Variants in GAD1 observed in about 807,000 individuals in gnomAD.
GAD1 encodes the protein 67 kDa glutamic acid decarboxylase.
GAD1 carries 35 observed loss-of-function variants against 75.2 expected under a neutral mutation model. The observed-to-expected ratio is 0.47, with a 90% confidence interval of 0.36 to 0.62. The LOEUF is 0.62. Among genes scored for constraint, GAD1 ranks in the 20% least tolerant of loss-of-function variants. The probability of loss-of-function intolerance (pLI) is 0.00; values close to 1 mark genes in which losing one functional copy is unlikely to be tolerated. For missense variants in GAD1, 490 were observed against 758.5 expected (o/e 0.65, Z 4.16); for synonymous variants, 257 against 271.9 (o/e 0.95, Z 0.54).
intron 7 of GAD1, 96 bp from the exon 8 acceptor site, chr2:170,845,410 A>C: frequency 9.4e-7 from 1 of 1,058,352 alleles, no homozygotes; most frequent in Non-Finnish European, 1.5e-6. Flanking sequence ...TCGCTTCCTG[A>C]CCTCCCTTGT....
intron 5 of GAD1, among the ~76,000 whole-genome samples, chr2:170,834,901 C>G (rs1425884189): frequency 1.3e-5 from 2 of 151,840 alleles, no homozygotes; most frequent in Non-Finnish European, 2.9e-5. Flanking sequence ...TCCTGAGAAG[C>G]TGGGATTATA....
intron 2 of GAD1, among the ~76,000 whole-genome samples, chr2:170,820,326 G>A (rs1182848395): frequency 2.0e-5 from 3 of 152,220 alleles, no homozygotes; most frequent in African/African-American, 7.2e-5. Flanking sequence ...ACGTGGCCTG[G>A]TTCGCCTGGA....
chr2:170,819,827 A>T (rs1290460352), intron 2 of GAD1, among the ~76,000 whole-genome samples: 1 of 152,224 alleles, frequency 6.6e-6, no homozygotes, highest in Non-Finnish European at 1.5e-5. Flanking sequence ...TTGAGAAAAT[A>T]AGTATCCTCA....
At chr2:170,838,118 T>C (rs1235563922) in intron 6 of GAD1, among the ~76,000 whole-genome samples, 1 of 152,254 alleles carries the variant, frequency 6.6e-6, no homozygotes, top group Non-Finnish European at 1.5e-5. Context: ...AAAGAGCAAA[T>C]GTGACAAGTG....
At chr2:170,847,074 G>A (rs559242207) in intron 10 of GAD1, among the ~76,000 whole-genome samples, 8 of 152,134 alleles carry the variant, frequency 5.3e-5, no homozygotes, top group Admixed American at 1.3e-4. Context: ...CTACTCCTTC[G>A]TTTATTTTTT....
intron 3 of GAD1, among the ~76,000 whole-genome samples, chr2:170,825,089 C>T (rs1312795966): frequency 6.6e-6 from 1 of 152,012 alleles, no homozygotes; most frequent in African/African-American, 2.4e-5. Context: ...GCTGTTAGCC[C>T]AAGAAAATCA....
At chr2:170,856,924 T>C in intron 14 of GAD1, 94 bp from the exon 15 acceptor site, 1 of 981,524 alleles carries the variant, frequency 1.0e-6, no homozygotes, top group Middle Eastern at 2.1e-4. Context: ...AATACTTTTT[T>C]TGTTTATTTC....
intron 15 of GAD1, among the ~76,000 whole-genome samples, chr2:170,858,193 A>C (rs1479953382): frequency 6.6e-6 from 1 of 152,234 alleles, no homozygotes; most frequent in Non-Finnish European, 1.5e-5. Context: ...GCAAACAGCA[A>C]CCAGCGAGAA....
chr2:170,828,498 CTTGA>C lies in GAD1; in HGVS notation c.146-975_146-972del, dbSNP rs1427264710. Among the ~76,000 whole-genome samples, 98 of 141,500 alleles carry C rather than the reference CTTGA, an allele frequency of 6.9e-4. 2 individuals are homozygous for C. The highest frequency in any genetic ancestry group is 2.7e-3 in the Admixed American group (38 of 14,286). The allele number at this position is 141,500 out of a possible 152,430, so 92.8% of individuals were successfully genotyped here. Reference sequence around the variant, plus strand: ...TCCTTGATCTCCTCCCTCTGCTGTCCTTGATCTCCTCCCTCTGCTGTCCTTGCTC... The same window carrying C: ...TCCTTGATCTCCTCCCTCTGCTGTCCTCTCCTCCCTCTGCTGTCCTTGCTC... On this transcript the variant is annotated intron_variant, in intron 3 of 16. Coordinates refer to ENST00000358196, the MANE Select transcript of GAD1 (RefSeq NM_000817.3).
chr2:170,853,045 TTTAA>T lies in GAD1; in HGVS notation c.1263+256_1263+259del, dbSNP rs531652579. On this transcript the variant is annotated intron_variant, in intron 13 of 16. Transcript: ENST00000358196. This position sits in a 1 kb window ranked among gnomAD's most constrained non-coding sequence, Gnocchi z 4.1. ...AGCAACTGAACCTTTAAGGAAATTA[TTTAA>T]TTGAGTATTCCTTCATGTTTGCACA... 419 of 557,910 alleles carry T rather than the reference TTTAA, an allele frequency of 7.5e-4. No homozygotes were observed. Among genetic ancestry groups the T allele is most frequent in the Non-Finnish European group, 1.2e-3 (386 of 311,076 alleles). 34.6% of individuals were successfully genotyped at this position (557,910 alleles called of 1,614,324 possible).
At chr2:170,850,977 G>A (rs1702733342) in intron 12 of GAD1, among the ~76,000 whole-genome samples, 1 of 151,500 alleles carries the variant, frequency 6.6e-6, no homozygotes, top group Non-Finnish European at 1.5e-5. Flanking sequence ...TCACGCCGCT[G>A]CACTCCCGCC....
chr2:170,858,102 C>T (rs1420930591), intron 15 of GAD1, among the ~76,000 whole-genome samples: 1 of 152,202 alleles, frequency 6.6e-6, no homozygotes. Context: ...ATCATTTACA[C>T]ACTACTTTAA....
chr2:170,854,944 G>A (rs1702821296), intron 14 of GAD1, among the ~76,000 whole-genome samples: 2 of 152,174 alleles, frequency 1.3e-5, no homozygotes, highest in South Asian at 2.1e-4. Context: ...CAAAATATGA[G>A]TGAGGGAGAG....
chr2:170,831,618 GTGTGTGTGTGTGTGTGTA>G (rs1170537444), intron 5 of GAD1, among the ~76,000 whole-genome samples: 1 of 144,406 alleles, frequency 6.9e-6, no homozygotes, highest in Non-Finnish European at 1.5e-5. Flanking sequence ...GTGTGTGTGT[GTGTGTGTGTGTGTGTGTA>G]TATACCTATT....
At chr2:170,854,140 T>A in intron 14 of GAD1, 118 bp downstream of exon 14, 1 of 1,004,352 alleles carries the variant, frequency 1.0e-6, no homozygotes, top group African/African-American at 1.6e-5. Flanking sequence ...AATATCTAGA[T>A]AATTGAATTA....
rs11896015 is a variant in GAD1, at chr2:170,825,676, A to G, written c.145+3527A>G. The stretch of plus-strand genomic sequence containing the variant: ...TTGAGTTTGGCAGCAGGGGTGAGGA[A>G]CCTGCAGCAGGAGCTCCCCTCAGCT... On this transcript the variant is annotated intron_variant, in intron 3 of 16. Transcript: ENST00000358196. 4.1e-3 allele frequency among the ~76,000 whole-genome samples: 623 copies of G among 152,276 alleles called. 3 individuals are homozygous for G. The highest frequency in any genetic ancestry group is 0.014 in the African/African-American group (583 of 41,560).
At position 170,859,738 on chromosome 2, in the gene GAD1, G is replaced by A. The variant is rs773501119; in HGVS notation, c.1641G>A (p.Met547Ile). Residue 547 changes from methionine to isoleucine, a missense_variant, in exon 17 of 17, where the codon ATG becomes ATA. Coordinates refer to ENST00000358196, the MANE Select transcript of GAD1 (RefSeq NM_000817.3). ...CTCCAAAAATCAAAGCCCTGATGAT[G>A]GAGTCAGGTACGACCATGGTTGGCT... ...KVAPKIKALM[M>I]ESGTTMVGYQ... is the part of the protein sequence containing the mutation. 1.2e-6 allele frequency: 2 copies of A among 1,614,038 alleles called. No homozygotes were observed. The highest frequency in any genetic ancestry group is 1.7e-5 in the Admixed American group (1 of 59,994).
At chr2:170,827,878 CA>C (rs1210160999) in intron 3 of GAD1, among the ~76,000 whole-genome samples, 6 of 152,054 alleles carry the variant, frequency 3.9e-5, no homozygotes, top group African/African-American at 1.5e-4. Flanking sequence ...TTTTTTGTCT[CA>C]CAGTACCTTC....
At chr2:170,822,195 C>A in intron 3 of GAD1, 46 bp downstream of exon 3, 1 of 1,545,116 alleles carries the variant, frequency 6.5e-7, no homozygotes, top group Non-Finnish European at 8.9e-7. Flanking sequence ...GCGCGGCGGG[C>A]GGACCTTTGG....
Sources: gnomAD v4.1 joint callset for allele counts (sites outside exome capture counted in the v4.1 genomes callset) on GRCh38, gnomAD v4.1.1 for gene constraint, Gnocchi (gnomAD v3.1) non-coding constraint, MANE v1.5 for transcripts, NCBI Gene and HGNC (gene_info 2026-07-23, HGNC 2026-07-21) for gene names.